DLG5: variants seen among roughly 807,000 people sequenced by gnomAD.
DLG5 encodes discs large MAGUK scaffold protein 5, also known as disks large homolog 5.
DLG5 carries 48 observed loss-of-function variants against 189.8 expected under a neutral mutation model. The observed-to-expected ratio is 0.25, with a 90% CI of 0.20 to 0.32. DLG5 has a LOEUF of 0.32. DLG5 is among the 10% of genes least tolerant of loss of function. The pLI is 1.00. For synonymous variants in DLG5, 1,016 were observed against 1,054.1 expected, an observed-to-expected ratio of 0.96 and a Z score of 0.70; for missense variants, 2,160 against 2,544.7, an observed-to-expected ratio of 0.85 and a Z score of 3.25.
In DLG5 at chr10:77,854,101, G is replaced by T. The variant is rs1009828703; in HGVS notation, c.680+126C>A. The T allele has an allele frequency of 6.4e-6, 8 of 1,252,454 alleles. No homozygotes were observed. The African/African-American group carries it at 1.2e-4, about 19-fold the overall frequency. The allele number at this position is 1,252,454 out of a possible 1,614,324, so 77.6% of individuals were successfully genotyped here. A position where few individuals can be genotyped will look rare whatever the true frequency, so the allele number is the denominator to read the frequency against. ...GGCACAAATCCACCTGCTGTAGGCA[G>T]ACTGCTTGCTCTTGCACAGGGACAG... On this transcript the variant is annotated intron_variant, in intron 4 of 31. Transcript: ENST00000372391.
intron 27 of DLG5, among the ~76,000 whole-genome samples, chr10:77,802,595 G>A (rs570644609): frequency 1.3e-5 from 2 of 152,346 alleles, no homozygotes; most frequent in South Asian, 2.1e-4. Flanking sequence ...ATTAAAATGA[G>A]AAAAGTATGG....
chr10:77,822,808 A>G (rs184968896), intron 14 of DLG5, among the ~76,000 whole-genome samples: 1 of 152,364 alleles, frequency 6.6e-6, no homozygotes, highest in East Asian at 1.9e-4. Context: ...CCTTAAGTGT[A>G]TATTAGCAAA....
intron 27 of DLG5, among the ~76,000 whole-genome samples, chr10:77,800,553 A>G (rs886721027): frequency 1.2e-4 from 18 of 152,024 alleles, no homozygotes; most frequent in Non-Finnish European, 1.5e-4. Flanking sequence ...CTGAGAACCC[A>G]GGCACGGGGC....
At chr10:77,828,500 A>AAG (rs1373019833) in intron 13 of DLG5, among the ~76,000 whole-genome samples, 3 of 151,138 alleles carry the variant, frequency 2.0e-5, no homozygotes, top group Admixed American at 6.6e-5. Context: ...AAAAAAAAAA[A>AAG]AAAAAAAAAA....
At chr10:77,806,698 AT>A in intron 26 of DLG5, 59 bp downstream of exon 26, 2 of 1,493,262 alleles carry the variant, frequency 1.3e-6, no homozygotes, top group Non-Finnish European at 1.8e-6. Flanking sequence ...GGACAGCTCC[AT>A]GGCTGGTGGC....
At chr10:77,919,433 C>A (rs913871540) in intron 1 of DLG5, among the ~76,000 whole-genome samples, 1 of 151,692 alleles carries the variant, frequency 6.6e-6, no homozygotes, top group Non-Finnish European at 1.5e-5. Flanking sequence ...GTGCTCAAAA[C>A]CCCACAGGAA....
Position 77,926,417 on chromosome 10 carries a change from G to A in DLG5, c.104C>T (p.Ala35Val), listed in dbSNP as rs1846695748. The A allele has an allele frequency of 1.9e-6, 3 of 1,579,664 alleles. No individual in the cohort carries two copies. The highest frequency in any genetic ancestry group is 2.6e-6 in the Non-Finnish European group (3 of 1,165,406). ...CTGCCGCCGCTCGCCGGGACTGAGCGCTCCCGCGGCCTCGAGCAGCCCGAG... is the reference window on the plus strand; with the variant it reads ...CTGCCGCCGCTCGCCGGGACTGAGCACTCCCGCGGCCTCGAGCAGCCCGAG... ...AVLGLLEAAG[A>V]LSPGERRQLD... is the part of the protein sequence containing the mutation. Residue 35 changes from alanine (A) to valine (V), a missense_variant, in exon 1 of 32, where the codon GCG becomes GTG. Physicochemically the swap from Ala to Val is moderately conservative, Grantham distance 64. This residue lies in a region of DLG5 where 664 missense variants were observed against 838.5 expected (regional missense o/e 0.79). Coordinates refer to ENST00000372391, the MANE Select transcript of DLG5 (RefSeq NM_004747.4). The surrounding 1 kb of genome is among the most constrained non-coding windows in gnomAD (Gnocchi z 5.2).
intron 13 of DLG5, among the ~76,000 whole-genome samples, chr10:77,827,390 TA>T (rs1842689236): frequency 6.6e-6 from 1 of 152,076 alleles, no homozygotes; most frequent in Non-Finnish European, 1.5e-5. Context: ...CAAGCCCGGC[TA>T]ATTTTTGTAT....
At chr10:77,809,035 G>A (rs1404097411) in intron 24 of DLG5, among the ~76,000 whole-genome samples, 1 of 151,766 alleles carries the variant, frequency 6.6e-6, no homozygotes, top group African/African-American at 2.4e-5. Flanking sequence ...GGAGGCGGAG[G>A]TTGTGGTGAG....
chr10:77,873,815 G>A (rs80141607), intron 1 of DLG5, among the ~76,000 whole-genome samples: 2,409 of 152,230 alleles, frequency 0.016, 60 homozygotes, highest in African/African-American at 0.053. Context: ...GACGGCTCAC[G>A]GTCACAGGGA....
chr10:77,841,179 G>A lies in DLG5; in HGVS notation c.1437+702C>T, dbSNP rs572092211. ...TCTCCATGGGCCCATCCAAGCCCCCGCAGGGCTCAGCTAGACCTAGGGCAA... is the reference window on the plus strand; with the variant it reads ...TCTCCATGGGCCCATCCAAGCCCCCACAGGGCTCAGCTAGACCTAGGGCAA... On this transcript the variant is annotated intron_variant, in intron 7 of 31. Coordinates refer to ENST00000372391, the MANE Select transcript of DLG5 (RefSeq NM_004747.4). Among the ~76,000 whole-genome samples, 12 of 152,254 alleles carry A rather than the reference G, an allele frequency of 7.9e-5. No homozygotes were observed. The Middle Eastern group carries it at 0.01, about 129-fold the overall frequency.
In DLG5 at chr10:77,817,789, T is replaced by C. The variant is rs778734345; in HGVS notation, c.3772A>G (p.Ser1258Gly). Residue 1258 changes from serine (S) to glycine (G), a missense_variant, in exon 18 of 32, where the codon AGC becomes GGC. By Grantham distance (56) the Ser-to-Gly change is moderately conservative. Coordinates refer to ENST00000372391, the MANE Select transcript of DLG5 (RefSeq NM_004747.4). ...ATHGSNSLPSSARLGSSSNLQ... is the reference protein window; with the variant it reads ...ATHGSNSLPSGARLGSSSNLQ... ...GTGGTGCAGTTACCCAGGCGGGCGC[T>C]GGAGGGCAGTGAGTTGGACCCATGG... 2 of 1,553,912 alleles carry C rather than the reference T, an allele frequency of 1.3e-6. No individual in the cohort carries two copies. The highest frequency in any genetic ancestry group is 1.2e-5 in the South Asian group (1 of 84,208).
At chr10:77,927,032 C>G (rs1301895135), upstream of DLG5, 3 of 266,974 alleles carry the variant, frequency 1.1e-5, no homozygotes, top group Non-Finnish European at 2.2e-5. Flanking sequence ...GGCCCCCGTG[C>G]ACCCCGGCCC....
chr10:77,912,548 G>T (rs1333073633), intron 1 of DLG5: 1 of 151,230 alleles, frequency 6.6e-6, no homozygotes, highest in Admixed American at 6.6e-5. Flanking sequence ...ATGCCCACAA[G>T]AATAATTTTT....
rs774356247 is a variant in DLG5, at chr10:77,821,785, G to A, written c.2699C>T (p.Ser900Phe). 1 of 1,611,102 alleles carries A rather than the reference G, an allele frequency of 6.2e-7. No individual in the cohort carries two copies. Among genetic ancestry groups the A allele is most frequent in the Non-Finnish European group, 8.5e-7 (1 of 1,178,930 alleles). ...CACCAGCCCAAAGCCACGGTCCCCA[G>A]AGGCATCTGAGCGGAAGGAGCTCAG... is the stretch of plus-strand genomic sequence containing the variant. The part of the protein sequence containing the change: ...RSLSSFRSDA[S>F]GDRGFGLVDV... The change falls in exon 15 of 32, where the codon TCT becomes TTT. Residue 900 changes from serine to phenylalanine, a missense_variant. By Grantham distance (155) the Ser-to-Phe change is radical. Around this residue, in one of 5 missense-constraint regions of DLG5, gnomAD observed 754 missense variants for 746.5 expected, o/e 1.01. Transcript: ENST00000372391.
At chr10:77,834,178 G>A (rs928169119) in intron 8 of DLG5, 139 bp from the exon 9 acceptor site, 6 of 1,229,816 alleles carry the variant, frequency 4.9e-6, no homozygotes, top group African/African-American at 4.6e-5. Flanking sequence ...GGAACACTTG[G>A]GAATCTAGGG....
At chr10:77,820,741 C>G (rs1452737351) in intron 15 of DLG5, 4 of 311,634 alleles carry the variant, frequency 1.3e-5, no homozygotes, top group Non-Finnish European at 2.4e-5. Flanking sequence ...CCGCTGCCCA[C>G]TCAGCCTCAC....
chr10:77,920,570 T>A (rs1210436804), intron 1 of DLG5, among the ~76,000 whole-genome samples: 1 of 152,180 alleles, frequency 6.6e-6, no homozygotes, highest in Non-Finnish European at 1.5e-5. Context: ...CACCTTACCC[T>A]GGGGTTCCAC....
chr10:77,847,058 C>T (rs1246196814), intron 5 of DLG5, among the ~76,000 whole-genome samples: 1 of 152,128 alleles, frequency 6.6e-6, no homozygotes, highest in Admixed American at 6.5e-5. Flanking sequence ...TGGATCCGGG[C>T]CTGTGTGACA....
Sources: gnomAD v4.1 joint callset for allele counts (sites outside exome capture counted in the v4.1 genomes callset) on GRCh38, gnomAD v4.1.1 for gene constraint, gnomAD v4.1.1 regional missense constraint, Gnocchi (gnomAD v3.1) non-coding constraint, MANE v1.5 for transcripts, NCBI Gene and HGNC (gene_info 2026-07-23, HGNC 2026-07-21) for gene names.